Variants in COL1A2 observed in about 807,000 individuals in gnomAD.
The protein encoded by COL1A2 is collagen alpha-2(I) chain.
Under a neutral mutation model 174.3 loss-of-function variants are expected in COL1A2, and 49 were observed. That is an observed-to-expected ratio of 0.28 (90% CI 0.22 to 0.36). The LOEUF is 0.36. COL1A2 is among the 10% of genes least tolerant of loss of function. COL1A2 has a pLI of 1.00. For missense variants in COL1A2, 1,438 were observed against 1,822.7 expected (o/e 0.79, Z 3.84); for synonymous variants, 655 against 606.6 (o/e 1.08, Z -1.17).
In COL1A2 at chr7:94,425,432, T is replaced by A. The variant is rs1283069298; in HGVS notation, c.2782-178T>A. 4 of 836,698 alleles carry A rather than the reference T, an allele frequency of 4.8e-6. No homozygotes were observed. The Admixed American group carries it at 6.7e-5, about 14-fold the overall frequency. The allele number at this position is 836,698 out of a possible 1,614,324, so 51.8% of individuals were successfully genotyped here. A position where few individuals can be genotyped will look rare whatever the true frequency, so the allele number is the denominator to read the frequency against. On this transcript the variant is annotated intron_variant, in intron 42 of 51. Coordinates refer to ENST00000297268, the MANE Select transcript of COL1A2 (RefSeq NM_000089.4). ...AGCACACTGCAAAACTGGGCCCAAG[T>A]ATTTAAAACATCTCTAAAAAATATC...
intron 10 of COL1A2, 88 bp from the exon 11 acceptor site, chr7:94,405,585 A>T (rs1477643379): frequency 1.1e-4 from 138 of 1,269,148 alleles, no homozygotes; most frequent in Non-Finnish European, 1.2e-6. Flanking sequence ...TTGAACTTTG[A>T]TGAGAATAAA....
chr7:94,398,310 C>T, intron 2 of COL1A2, 72 bp from the exon 3 acceptor site: 2 of 513,788 alleles, frequency 3.9e-6, no homozygotes, highest in South Asian at 3.2e-5. Flanking sequence ...TATACTACAC[C>T]AAAATGGAAG....
chr7:94,408,917 C>T (rs1355990948), intron 16 of COL1A2, 94 bp downstream of exon 16: 34 of 1,179,208 alleles, frequency 2.9e-5, no homozygotes, highest in African/African-American at 6.0e-5. Context: ...GAGATAATTA[C>T]GAAACAGTTA....
At chr7:94,397,315 C>G (rs1056332796) in intron 1 of COL1A2, among the ~76,000 whole-genome samples, 22 of 152,064 alleles carry the variant, frequency 1.4e-4, no homozygotes, top group Non-Finnish European at 5.9e-5. Flanking sequence ...AGGTAACATA[C>G]TTTCCTAAAT....
chr7:94,401,594 G>T lies in COL1A2; in HGVS notation c.253G>T (p.Gly85Ter). ...CTTTGCTGCTCAGTATGATGGAAAA[G>T]GAGTTGGACTTGGCCCTGGACCAAT... ...GNFAAQYDGK[G>*]VGLGPGPMGL... is the part of the protein sequence containing the mutation. The change falls in exon 6 of 52, where the codon GGA becomes TGA. Residue 85 changes from glycine (G) to a stop codon, truncating the protein, a stop_gained. Coordinates refer to ENST00000297268, the MANE Select transcript of COL1A2 (RefSeq NM_000089.4). LOFTEE classifies it high-confidence loss of function. The T allele has an allele frequency of 6.4e-7, 1 of 1,568,568 alleles. No individual in the cohort carries two copies. Among genetic ancestry groups the T allele is most frequent in the South Asian group, 1.2e-5 (1 of 84,080 alleles).
At chr7:94,399,372 T>C (rs1322925210) in intron 4 of COL1A2, among the ~76,000 whole-genome samples, 1 of 152,190 alleles carries the variant, frequency 6.6e-6, no homozygotes, top group Non-Finnish European at 1.5e-5. Context: ...ATAATGGAAA[T>C]ATATCTACCT....
Position 94,419,345 on chromosome 7 carries a change from A to G in COL1A2, c.2026-153A>G. On this transcript the variant is annotated intron_variant, in intron 33 of 51. Coordinates refer to ENST00000297268, the MANE Select transcript of COL1A2 (RefSeq NM_000089.4). ...GTGGCTTCTAATAGTCTTGTTAATT[A>G]GAACCAAAATACATCAGAGGCCTTC... 3.5e-6 allele frequency: 3 copies of G among 846,458 alleles called. No individual in the cohort carries two copies. The South Asian group carries it at 4.4e-5, about 12-fold the overall frequency. 52.4% of individuals were successfully genotyped at this position (846,458 alleles called of 1,614,324 possible).
chr7:94,421,283 G>T, intron 38 of COL1A2: 1 of 604,826 alleles, frequency 1.7e-6, no homozygotes, highest in South Asian at 2.0e-5. Context: ...ACCAAGGTGG[G>T]CCCTAGGCAG....
chr7:94,417,746 C>A lies in COL1A2; in HGVS notation c.1886C>A (p.Ala629Asp), dbSNP rs1217066325. 5 of 1,598,442 alleles carry A rather than the reference C, an allele frequency of 3.1e-6. No homozygotes were observed. The African/African-American group carries it at 4.0e-5, about 13-fold the overall frequency. ...AAGGGTGAACCTGGTGTGGTTGGTG[C>A]TGTGGGCACTGCTGGTCCATCTGGT... Reference protein sequence around the residue: ...GNKGEPGVVGAVGTAGPSGPS... With the variant: ...GNKGEPGVVGDVGTAGPSGPS... The change falls in exon 32 of 52, where the codon GCT (alanine) becomes GAT (aspartate). Residue 629 changes from alanine to aspartate, a missense_variant. This residue lies in a region of COL1A2 where 867 missense variants were observed against 1,213.7 expected (regional missense o/e 0.71). Transcript: ENST00000297268.
chr7:94,421,062 T>A lies in COL1A2; in HGVS notation c.2349T>A (p.Pro783=). 1 of 1,614,152 alleles carries A rather than the reference T, an allele frequency of 6.2e-7. No homozygotes were observed. Residue 783 remains proline, a splice_region_variant and synonymous_variant, in exon 38 of 52, where the codon CCT becomes CCA. Transcript: ENST00000297268. ...PAGSRGDGGP[P]GMTGFPGAAG... is the part of the protein sequence containing the mutation. ...GAAGTCGTGGTGATGGAGGCCCCCC[T>A]GTGAGTATTTACAATGGACTCTCGC...
Position 94,395,019 on chromosome 7 carries a change from C to CT in COL1A2, c.-12dup. 2 of 1,613,080 alleles carry CT rather than the reference C, an allele frequency of 1.2e-6. No homozygotes were observed. The highest frequency in any genetic ancestry group is 1.7e-6 in the Non-Finnish European group (2 of 1,179,778). ...TCTGCGACACAAGGAGTCTGCATGT[C>CT]TAAGTGCTAGACATGCTCAGCTTTG... is the stretch of plus-strand genomic sequence containing the variant. On this transcript the variant is annotated 5_prime_UTR_variant, in exon 1 of 52. The change creates a premature stop within an existing upstream ORF in the 5' untranslated region. Transcript: ENST00000297268.
chr7:94,425,674 T>A lies in COL1A2; in HGVS notation c.2835+11T>A, dbSNP rs1342390111. On this transcript the variant is annotated intron_variant, in intron 43 of 51. Coordinates refer to ENST00000297268, the MANE Select transcript of COL1A2 (RefSeq NM_000089.4). ...CAACCCGGACACAAGGTCAGTACAC[T>A]TTTCATCTTTCTCTAATTCAAAAGT... 1.2e-6 allele frequency: 2 copies of A among 1,614,128 alleles called. No individual in the cohort carries two copies. Among genetic ancestry groups the A allele is most frequent in the Non-Finnish European group, 1.7e-6 (2 of 1,180,016 alleles).
chr7:94,395,422 T>G (rs920560614), intron 1 of COL1A2: 4 of 381,610 alleles, frequency 1.0e-5, no homozygotes, highest in Admixed American at 3.7e-5. Flanking sequence ...TAACGACCAA[T>G]GTGGTGGAGG....
At chr7:94,405,141 C>A in intron 9 of COL1A2, 58 bp from the exon 10 acceptor site, 2 of 1,563,790 alleles carry the variant, frequency 1.3e-6, no homozygotes, top group South Asian at 1.1e-5. Context: ...CAAGATTCCC[C>A]CATTTTGTCT....
chr7:94,405,613 G>A (rs1791779408), intron 10 of COL1A2, 60 bp from the exon 11 acceptor site: 1 of 1,439,542 alleles, frequency 6.9e-7, no homozygotes, highest in East Asian at 2.3e-5. Context: ...GAGGGAAGAA[G>A]TCACTGTCTT....
chr7:94,412,557 G>A, intron 24 of COL1A2, 27 bp from the exon 25 acceptor site: 1 of 1,588,530 alleles, frequency 6.3e-7, no homozygotes, highest in Non-Finnish European at 8.6e-7. Context: ...TTGACACTGA[G>A]TAAACTTGAA....
intron 19 of COL1A2, 96 bp downstream of exon 19, chr7:94,409,917 C>T (rs544948081): frequency 1.6e-6 from 2 of 1,215,968 alleles, no homozygotes; most frequent in Non-Finnish European, 2.4e-6. Flanking sequence ...TTTATTATTC[C>T]TATTTTTCTC....
rs1225629524 is a variant in COL1A2, at chr7:94,425,666, C to T, written c.2835+3C>T. Reference sequence around the variant, plus strand: ...GCGATGGTCAACCCGGACACAAGGTCAGTACACTTTTCATCTTTCTCTAAT... The same window carrying T: ...GCGATGGTCAACCCGGACACAAGGTTAGTACACTTTTCATCTTTCTCTAAT... On this transcript the variant is annotated splice_donor_region_variant and intron_variant, in intron 43 of 51. Coordinates refer to ENST00000297268, the MANE Select transcript of COL1A2 (RefSeq NM_000089.4). 1.2e-6 allele frequency: 2 copies of T among 1,614,130 alleles called. No individual in the cohort carries two copies. The highest frequency in any genetic ancestry group is 1.7e-5 in the Admixed American group (1 of 60,018).
intron 29 of COL1A2, among the ~76,000 whole-genome samples, chr7:94,414,673 C>G (rs753200061): frequency 2.6e-5 from 4 of 152,142 alleles, no homozygotes; most frequent in African/African-American, 4.8e-5. Flanking sequence ...AGACATGACA[C>G]TACTATACAC....
Sources: gnomAD v4.1 joint callset for allele counts (sites outside exome capture counted in the v4.1 genomes callset) on GRCh38, gnomAD v4.1.1 for gene constraint, gnomAD v4.1.1 regional missense constraint, MANE v1.5 for transcripts, NCBI Gene and HGNC (gene_info 2026-07-23, HGNC 2026-07-21) for gene names.